ADORA2B: variants seen among roughly 807,000 people sequenced by gnomAD.
ADORA2B encodes adenosine A2b receptor, also known as adenosine receptor A2b.
ADORA2B carries 18 observed loss-of-function variants against 20.8 expected under a neutral mutation model. That is an observed-to-expected ratio of 0.87 (90% confidence interval 0.60 to 1.29). The LOEUF is 1.29. Among genes scored for constraint, ADORA2B ranks in the 50% most tolerant of loss-of-function variants. ADORA2B has a pLI of 0.00. For missense variants in ADORA2B, 441 were observed against 422.7 expected (o/e 1.04, Z -0.38); for synonymous variants, 179 against 178.3 (o/e 1.00, Z -0.03).
the ADORA2B span, among the ~76,000 whole-genome samples, chr17:15,881,179 G>A: frequency 5.9e-5 from 9 of 152,268 alleles, no homozygotes; most frequent in East Asian, 1.2e-3. Flanking sequence ...TTGGCTCACT[G>A]CAACCTCTGC....
chr17:15,901,965 C>T, the ADORA2B span, among the ~76,000 whole-genome samples: 6 of 152,150 alleles, frequency 3.9e-5, no homozygotes, highest in African/African-American at 1.4e-4. Flanking sequence ...GCTGTCACAC[C>T]TTCCTCTCCA....
At chr17:15,937,603 G>A in the ADORA2B span, among the ~76,000 whole-genome samples, 6,158 of 148,656 alleles carry the variant, frequency 0.041, 449 homozygotes, top group African/African-American at 0.14. Flanking sequence ...ATGGAGTTTC[G>A]CTCTTGTTAC....
At chr17:15,876,449 C>CTTTTTTTTTT in the ADORA2B span, among the ~76,000 whole-genome samples, 5 of 119,294 alleles carry the variant, frequency 4.2e-5, no homozygotes, top group Non-Finnish European at 8.7e-5. Context: ...TTTCTTTTTT[C>CTTTTTTTTTT]TTTTTTTTTT....
At chr17:15,876,414 C>CT in the ADORA2B span, among the ~76,000 whole-genome samples, 30,007 of 137,492 alleles carry the variant, frequency 0.22, 3,610 homozygotes, top group Non-Finnish European at 0.29. Context: ...AGCTTAAGGT[C>CT]TTTTTTTTTT....
the ADORA2B span, among the ~76,000 whole-genome samples, chr17:15,879,544 T>C: frequency 2.6e-5 from 4 of 151,218 alleles, no homozygotes; most frequent in Admixed American, 6.6e-5. Flanking sequence ...GATTTTCTTT[T>C]TTTTTTTTTT....
the ADORA2B span, among the ~76,000 whole-genome samples, chr17:15,856,675 A>G: frequency 6.6e-6 from 1 of 152,182 alleles, no homozygotes. Flanking sequence ...GGGATGAGGA[A>G]CTTATTGGGA....
chr17:15,958,437 G>A (rs755740229), intron 1 of ADORA2B, among the ~76,000 whole-genome samples: 1 of 152,140 alleles, frequency 6.6e-6, no homozygotes, highest in Non-Finnish European at 1.5e-5. Context: ...TGTTCTTTTA[G>A]CCCATTCTTC....
the ADORA2B span, among the ~76,000 whole-genome samples, chr17:15,861,422 A>C: frequency 1.3e-5 from 2 of 152,152 alleles, no homozygotes; most frequent in African/African-American, 4.8e-5. Context: ...TCCAGCTGGA[A>C]GGCAGGTTGG....
intron 1 of ADORA2B, among the ~76,000 whole-genome samples, chr17:15,969,266 C>T (rs1377561277): frequency 3.3e-5 from 5 of 151,980 alleles, no homozygotes; most frequent in Non-Finnish European, 7.4e-5. Context: ...CTGGCTAACA[C>T]AGTGAAAACC....
chr17:15,963,411 G>T (rs1970063741), intron 1 of ADORA2B, among the ~76,000 whole-genome samples: 1 of 152,170 alleles, frequency 6.6e-6, no homozygotes, highest in African/African-American at 2.4e-5. Context: ...CCTCTTGCTG[G>T]TCGCTTGTGT....
chr17:15,973,754 A>T (rs1970214543), intron 1 of ADORA2B: 1 of 152,236 alleles, frequency 6.6e-6, no homozygotes, highest in Non-Finnish European at 1.5e-5. Context: ...ACTGACCTAG[A>T]ACAATGCCTT....
chr17:15,917,079 A>G, the ADORA2B span, among the ~76,000 whole-genome samples: 1 of 152,210 alleles, frequency 6.6e-6, no homozygotes, highest in African/African-American at 2.4e-5. Context: ...GGAGGACAAC[A>G]TGGGAGGATG....
At chr17:15,880,832 A>G in the ADORA2B span, among the ~76,000 whole-genome samples, 1 of 152,234 alleles carries the variant, frequency 6.6e-6, no homozygotes, top group Non-Finnish European at 1.5e-5. Context: ...GGCCAAGCAG[A>G]ACTACTTAGC....
At chr17:15,962,558 T>C (rs1970054210) in intron 1 of ADORA2B, among the ~76,000 whole-genome samples, 3 of 152,160 alleles carry the variant, frequency 2.0e-5, no homozygotes, top group African/African-American at 7.2e-5. Context: ...TGAGACAGAA[T>C]TACGCGCTTG....
upstream of ADORA2B, among the ~76,000 whole-genome samples, chr17:15,941,544 A>G (rs1355785082): frequency 6.6e-6 from 1 of 152,034 alleles, no homozygotes; most frequent in Non-Finnish European, 1.5e-5. Flanking sequence ...CCTGGGCAAC[A>G]TAGTGGGACA....
the ADORA2B span, among the ~76,000 whole-genome samples, chr17:15,873,221 A>T: frequency 1.3e-5 from 2 of 152,128 alleles, no homozygotes; most frequent in East Asian, 3.8e-4. Context: ...TTATGTATCT[A>T]TCAACTTATA....
intron 1 of ADORA2B, among the ~76,000 whole-genome samples, chr17:15,958,199 G>C (rs1224262009): frequency 6.6e-6 from 1 of 152,096 alleles, no homozygotes; most frequent in African/African-American, 2.4e-5. Context: ...TGTATTTTCA[G>C]TAGAGACAGG....
At chr17:15,892,654 CT>C in the ADORA2B span, among the ~76,000 whole-genome samples, 974 of 121,706 alleles carry the variant, frequency 8.0e-3, no homozygotes, top group Middle Eastern at 0.016. Flanking sequence ...TTCTTTCTTT[CT>C]TTTTTTTTTT....
the ADORA2B span, among the ~76,000 whole-genome samples, chr17:15,904,858 G>T: frequency 6.6e-6 from 1 of 152,082 alleles, no homozygotes; most frequent in Non-Finnish European, 1.5e-5. Flanking sequence ...TCAAAAATTA[G>T]TTGACTATAT....
Sources: allele counts gnomAD v4.1 joint callset (sites outside exome capture counted in the v4.1 genomes callset), GRCh38; gene constraint gnomAD v4.1.1; transcripts MANE v1.5; gene names NCBI Gene and HGNC (gene_info 2026-07-23, HGNC 2026-07-21).